The following MDGA2 variants were observed in gnomAD, a reference collection of about 807,000 sequenced individuals.
The protein encoded by MDGA2 is MAM domain-containing glycosylphosphatidylinositol anchor protein 2.
Under a neutral mutation model 117.8 loss-of-function variants are expected in MDGA2, and 40 were observed. The observed-to-expected ratio is 0.34, with a 90% confidence interval of 0.26 to 0.44. MDGA2 has a LOEUF of 0.44. MDGA2 is among the 20% of genes least tolerant of loss of function. The pLI is 1.00. For missense variants in MDGA2, 1,123 were observed against 1,250.6 expected (o/e 0.90, Z 1.54); for synonymous variants, 452 against 439.0 (o/e 1.03, Z -0.37).
chr14:47,280,314 C>CA (rs1196509408), intron 2 of MDGA2, among the ~76,000 whole-genome samples: 480 of 35,820 alleles, frequency 0.013, 87 homozygotes, highest in East Asian at 0.038. Flanking sequence ...AACTCCATCT[C>CA]AAAAAAAAAA....
chr14:47,628,863 C>T (rs1897201711), intron 1 of MDGA2, among the ~76,000 whole-genome samples: 1 of 152,208 alleles, frequency 6.6e-6, no homozygotes, highest in Non-Finnish European at 1.5e-5. Context: ...GGACTTTCCT[C>T]CTTGCAGGGA....
intron 3 of MDGA2, among the ~76,000 whole-genome samples, chr14:47,172,372 C>A (rs190705954): frequency 2.0e-5 from 3 of 152,110 alleles, no homozygotes; most frequent in African/African-American, 7.2e-5. Flanking sequence ...CCCTGACCCC[C>A]GAGAAGCCTA....
At chr14:47,315,703 G>A (rs568055664) in intron 1 of MDGA2, among the ~76,000 whole-genome samples, 3 of 152,164 alleles carry the variant, frequency 2.0e-5, no homozygotes, top group East Asian at 1.9e-4. Context: ...TTAGGTCACC[G>A]TCTCTGTCAA....
At chr14:47,361,910 T>G (rs1326596014) in intron 1 of MDGA2, among the ~76,000 whole-genome samples, 1 of 152,206 alleles carries the variant, frequency 6.6e-6, no homozygotes, top group African/African-American at 2.4e-5. Flanking sequence ...CTTCATTCTG[T>G]GTTACTATCC....
chr14:46,882,242 GAAT>G (rs1193776569), intron 10 of MDGA2, 21 bp from the exon 11 acceptor site: 1 of 1,592,460 alleles, frequency 6.3e-7, no homozygotes, highest in Non-Finnish European at 8.6e-7. Flanking sequence ...AACAATAATA[GAAT>G]AATGTTCCCA....
intron 3 of MDGA2, among the ~76,000 whole-genome samples, chr14:47,161,149 C>T (rs1175233170): frequency 6.6e-6 from 1 of 151,962 alleles, no homozygotes; most frequent in African/African-American, 2.4e-5. Flanking sequence ...CTATTTTCAG[C>T]TTTTACTTTA....
chr14:47,260,433 G>A (rs1418240731), intron 2 of MDGA2, among the ~76,000 whole-genome samples: 1 of 152,008 alleles, frequency 6.6e-6, no homozygotes, highest in African/African-American at 2.4e-5. Context: ...AGCCTCTAAA[G>A]GACACAGAAG....
intron 9 of MDGA2, among the ~76,000 whole-genome samples, chr14:46,921,165 A>G (rs1353024009): frequency 6.6e-6 from 1 of 152,228 alleles, no homozygotes. Flanking sequence ...TAAGAACACA[A>G]TGAATCAGGT....
At chr14:47,175,337 A>C (rs1465003853) in intron 3 of MDGA2, among the ~76,000 whole-genome samples, 1 of 151,792 alleles carries the variant, frequency 6.6e-6, no homozygotes, top group Non-Finnish European at 1.5e-5. Context: ...CCGGGCAGAG[A>C]CACAACCAAA....
At chr14:47,655,807 T>G (rs1376717068) in intron 1 of MDGA2, among the ~76,000 whole-genome samples, 1 of 152,142 alleles carries the variant, frequency 6.6e-6, no homozygotes, top group East Asian at 1.9e-4. Flanking sequence ...GATGCTGGCT[T>G]GGACTGTGGC....
chr14:47,490,079 T>C (rs1894138222), intron 1 of MDGA2, among the ~76,000 whole-genome samples: 3 of 152,098 alleles, frequency 2.0e-5, no homozygotes, highest in South Asian at 2.1e-4. Flanking sequence ...TAATGAGATA[T>C]AGTGTGTCAG....
intron 10 of MDGA2, among the ~76,000 whole-genome samples, chr14:46,899,995 C>T (rs1225693123): frequency 6.6e-6 from 1 of 152,040 alleles, no homozygotes; most frequent in Non-Finnish European, 1.5e-5. Flanking sequence ...AAAGTAGTCA[C>T]TACTTGAAAA....
At chr14:47,391,443 G>A (rs987866161) in intron 1 of MDGA2, among the ~76,000 whole-genome samples, 3 of 152,134 alleles carry the variant, frequency 2.0e-5, no homozygotes, top group African/African-American at 7.2e-5. Flanking sequence ...AGTTATTTCC[G>A]AGGTTTGAGG....
chr14:46,906,750 C>G (rs1321026813), intron 10 of MDGA2, among the ~76,000 whole-genome samples: 3 of 151,880 alleles, frequency 2.0e-5, no homozygotes, highest in Non-Finnish European at 2.9e-5. Context: ...ACAGTCTAGA[C>G]TAGTATTTAT....
chr14:47,562,322 C>G (rs1359554700), intron 1 of MDGA2, among the ~76,000 whole-genome samples: 3 of 152,176 alleles, frequency 2.0e-5, no homozygotes, highest in African/African-American at 7.2e-5. Flanking sequence ...CTTCTTGATA[C>G]AGCTGGCAGA....
At chr14:47,649,527 A>G (rs1015995261) in intron 1 of MDGA2, among the ~76,000 whole-genome samples, 6 of 152,162 alleles carry the variant, frequency 3.9e-5, no homozygotes, top group Admixed American at 3.9e-4. Flanking sequence ...TCTACCAAAA[A>G]TACAAAAATT....
In MDGA2 at chr14:47,630,154, A is replaced by T. The variant is rs566925155; in HGVS notation, c.280+44363T>A. 1.5e-4 allele frequency among the ~76,000 whole-genome samples: 23 copies of T among 152,266 alleles called. No individual in the cohort carries two copies. In the East Asian group the frequency reaches 2.5e-3, roughly 17 times the overall value. On this transcript the variant is annotated intron_variant, in intron 1 of 16. Transcript: ENST00000399232. ...ACAAACACACACACAGCATAAGTTT[A>T]AAAAAAGTCACACAGGCACTTAATT...
intron 1 of MDGA2, among the ~76,000 whole-genome samples, chr14:47,661,751 T>TC: frequency 6.9e-6 from 1 of 145,434 alleles, no homozygotes; most frequent in Non-Finnish European, 1.5e-5. Context: ...AGTTTCTTTT[T>TC]TTTTTTTTTT....
At chr14:47,349,031 T>C (rs1254874309) in intron 1 of MDGA2, among the ~76,000 whole-genome samples, 1 of 152,232 alleles carries the variant, frequency 6.6e-6, no homozygotes, top group Non-Finnish European at 1.5e-5. Context: ...TTTGGCAGTA[T>C]ACAGAATTTG....
Sources: gnomAD v4.1 joint callset for allele counts (sites outside exome capture counted in the v4.1 genomes callset) on GRCh38, gnomAD v4.1.1 for gene constraint, MANE v1.5 for transcripts, NCBI Gene and HGNC (gene_info 2026-07-23, HGNC 2026-07-21) for gene names.